Variants in QSER1 observed in about 807,000 individuals in gnomAD.
QSER1 encodes the protein glutamine and serine-rich protein 1.
A neutral mutation model predicts 158.5 loss-of-function variants in QSER1; 49 were observed. The observed-to-expected ratio is 0.31, with a 90% CI of 0.25 to 0.39. The LOEUF (loss-of-function observed/expected upper bound fraction) is 0.39, where lower values mean the gene tolerates loss of function less well. Among genes scored for constraint, QSER1 ranks in the 10% least tolerant of loss-of-function variants. The pLI is 1.00. For synonymous variants in QSER1, 650 were observed against 715.5 expected (o/e 0.91, Z 1.46); for missense variants, 1,754 against 2,010.3 (o/e 0.87, Z 2.44).
At chr11:32,920,770 T>A (rs1851890013) in intron 1 of QSER1, among the ~76,000 whole-genome samples, 1 of 152,172 alleles carries the variant, frequency 6.6e-6, no homozygotes, top group Non-Finnish European at 1.5e-5. Context: ...CTGTACATTA[T>A]TAGTCATAAT....
At position 32,973,646 on chromosome 11, in the gene QSER1, G is replaced by A. The variant is rs531947062; in HGVS notation, c.5358+97G>A. 69 of 1,188,092 alleles carry A rather than the reference G, an allele frequency of 5.8e-5. No homozygotes were observed. In the African/African-American group the frequency reaches 9.7e-4, roughly 17 times the overall value. The allele number at this position is 1,188,092 out of a possible 1,614,324, so 73.6% of individuals were successfully genotyped here. On this transcript the variant is annotated intron_variant, in intron 11 of 12. Transcript: ENST00000650167. ...AAACAAGCAAATATTTTACTATGTT[G>A]TCATTAAGTGTGAAGGTTTTTCAGG...
chr11:32,972,854 A>G (rs761987761), intron 10 of QSER1, among the ~76,000 whole-genome samples: 24 of 152,226 alleles, frequency 1.6e-4, no homozygotes, highest in Non-Finnish European at 2.8e-4. Flanking sequence ...AGTCAAAATA[A>G]GCAAGAGAAG....
At chr11:32,923,600 C>T (rs2133530193) in intron 1 of QSER1, among the ~76,000 whole-genome samples, 1 of 151,104 alleles carries the variant, frequency 6.6e-6, no homozygotes, top group South Asian at 2.1e-4. Flanking sequence ...ATTGCTTGAA[C>T]CTAGGAGGTG....
Position 32,917,845 on chromosome 11 carries a change from C to A in QSER1, c.210-9312C>A, listed in dbSNP as rs966091261. On this transcript the variant is annotated intron_variant, in intron 1 of 12. Transcript: ENST00000650167. ...TCAAAAAAAAAAAAAAAAAAAAAAA[C>A]CAGCATTTCTCTGTATTGCTTTCTG... Among the ~76,000 whole-genome samples, 12 of 91,630 alleles carry A rather than the reference C, an allele frequency of 1.3e-4. No individual in the cohort carries two copies. The South Asian group carries it at 2.0e-3, about 15-fold the overall frequency. 60.1% of individuals were successfully genotyped at this position (91,630 alleles called of 152,430 possible).
chr11:32,923,794 C>G (rs1272076600), intron 1 of QSER1, among the ~76,000 whole-genome samples: 1 of 151,840 alleles, frequency 6.6e-6, no homozygotes, highest in Non-Finnish European at 1.5e-5. Flanking sequence ...ATGGTGAAAC[C>G]CCATCTCTAC....
At chr11:32,964,717 CATATATATAT>C (rs375985842) in intron 8 of QSER1, among the ~76,000 whole-genome samples, 3,031 of 64,264 alleles carry the variant, frequency 0.047, 118 homozygotes, top group Middle Eastern at 0.071. Context: ...AAAAAAACAC[CATATATATAT>C]ATATATATAT....
intron 10 of QSER1, among the ~76,000 whole-genome samples, chr11:32,969,905 G>A (rs867027731): frequency 4.9e-4 from 74 of 152,128 alleles, no homozygotes; most frequent in African/African-American, 1.7e-3. Context: ...GTCTGGTCTC[G>A]AACTCCTGAC....
In QSER1 at chr11:32,935,383, C is replaced by T. The variant is rs1334162669; in HGVS notation, c.4125C>T (p.Val1375=). 6.3e-7 allele frequency: 1 copy of T among 1,586,126 alleles called. No homozygotes were observed. The highest frequency in any genetic ancestry group is 1.4e-5 in the African/African-American group (1 of 73,514). Reference sequence around the variant, plus strand: ...ATAGTCAAGATGCTTATAAAAGCGTCTCTACTCCCTTAACTACTTTGGATG... The same window carrying T: ...ATAGTCAAGATGCTTATAAAAGCGTTTCTACTCCCTTAACTACTTTGGATG... ...PGYSQDAYKS[V]STPLTTLDAT... Residue 1375 remains valine, a synonymous_variant, in exon 4 of 13, where the codon GTC becomes GTT. Coordinates refer to ENST00000650167, the MANE Select transcript of QSER1 (RefSeq NM_001076786.3).
At chr11:32,945,651 T>A (rs1289469604) in intron 4 of QSER1, among the ~76,000 whole-genome samples, 1 of 150,814 alleles carries the variant, frequency 6.6e-6, no homozygotes. Context: ...CCGACCTTTC[T>A]CTCTGGCTGC....
Position 32,955,342 on chromosome 11 carries a change from A to T in QSER1, c.4547A>T (p.Gln1516Leu). The change falls in exon 6 of 13, where the codon CAA becomes CTA. Residue 1516 changes from glutamine to leucine, a missense_variant. Physicochemically the swap from Gln to Leu is moderately radical, Grantham distance 113. Transcript: ENST00000650167. ...GAACCTCCAGCTATTTGGAAAGTAC[A>T]AAAAGCTTTATTACAGAAATTTGTT... Reference protein sequence around the residue: ...GKEPPAIWKVQKALLQKFVPE... With the variant: ...GKEPPAIWKVLKALLQKFVPE... The T allele has an allele frequency of 6.2e-7, 1 of 1,601,458 alleles. No individual in the cohort carries two copies. The highest frequency in any genetic ancestry group is 8.5e-7 in the Non-Finnish European group (1 of 1,176,064).
chr11:32,893,739 G>C lies in QSER1; in HGVS notation c.209+405G>C, dbSNP rs1367073876. Among the ~76,000 whole-genome samples the C allele has an allele frequency of 1.3e-5, 2 of 152,294 alleles. No homozygotes were observed. Among genetic ancestry groups the C allele is most frequent in the Non-Finnish European group, 1.5e-5 (1 of 68,028 alleles). On this transcript the variant is annotated intron_variant, in intron 1 of 12. Transcript: ENST00000650167. This position sits in a 1 kb window ranked among gnomAD's most constrained non-coding sequence, Gnocchi z 4.7. ...CCATTGTATTGGAACCTGGGTGGCCGACAATGCGGTCTTGGGGACTCCGGC... is the reference window on the plus strand; with the variant it reads ...CCATTGTATTGGAACCTGGGTGGCCCACAATGCGGTCTTGGGGACTCCGGC...
chr11:32,926,920 C>T (rs1284773533), intron 1 of QSER1: 1 of 152,090 alleles, frequency 6.6e-6, no homozygotes, highest in East Asian at 1.9e-4. Flanking sequence ...TAAAAAGACT[C>T]TTGTTTGAGG....
At chr11:32,950,904 AGTTAT>A (rs1852410534) in intron 4 of QSER1, among the ~76,000 whole-genome samples, 4 of 152,328 alleles carry the variant, frequency 2.6e-5, no homozygotes, top group Middle Eastern at 3.4e-3. Flanking sequence ...TTGTATATTC[AGTTAT>A]CCATTGATAG....
In QSER1 at chr11:32,934,885, G is replaced by C; in HGVS notation, c.3627G>C (p.Gly1209=). The change falls in exon 4 of 13, where the codon GGG becomes GGC. Residue 1209 remains glycine, a synonymous_variant. Transcript: ENST00000650167. ...NLQKKRAKGK[G]QVKEEDNSNQ... is the part of the protein sequence containing the mutation. ...AAAAGAAAAGAGCTAAAGGAAAAGGGCAAGTTAAAGAGGAAGACAACAGTA... is the reference window on the plus strand; with the variant it reads ...AAAAGAAAAGAGCTAAAGGAAAAGGCCAAGTTAAAGAGGAAGACAACAGTA... 1 of 1,613,920 alleles carries C rather than the reference G, an allele frequency of 6.2e-7. No homozygotes were observed. The highest frequency in any genetic ancestry group is 8.5e-7 in the Non-Finnish European group (1 of 1,179,974).
At chr11:32,952,944 A>G (rs999693574) in intron 4 of QSER1, among the ~76,000 whole-genome samples, 2 of 151,800 alleles carry the variant, frequency 1.3e-5, no homozygotes, top group Non-Finnish European at 1.5e-5. Flanking sequence ...CGGGGATTAA[A>G]GGCGCGCACC....
intron 8 of QSER1, among the ~76,000 whole-genome samples, chr11:32,963,807 C>G (rs1171432491): frequency 6.6e-6 from 1 of 152,206 alleles, no homozygotes; most frequent in East Asian, 1.9e-4. Context: ...GGACTGACTA[C>G]AGGTATGCAC....
intron 9 of QSER1, 62 bp downstream of exon 9, chr11:32,966,499 GTC>G: frequency 6.6e-7 from 1 of 1,507,730 alleles, no homozygotes; most frequent in East Asian, 2.3e-5. Context: ...AAGAAATCTT[GTC>G]TGTTAGTTAT....
chr11:32,892,982 C>T lies in QSER1; in HGVS notation c.-144C>T, dbSNP rs890108662. Among the ~76,000 whole-genome samples, 9 of 147,804 alleles carry T rather than the reference C, an allele frequency of 6.1e-5. No homozygotes were observed. The highest frequency in any genetic ancestry group is 1.7e-4 in the African/African-American group (7 of 40,770). ...CGCCAGCGCGCCCTTCTCCCGCCTGCTCGCCGGGGCCATGTGAGGGGGCAG... is the reference window on the plus strand; with the variant it reads ...CGCCAGCGCGCCCTTCTCCCGCCTGTTCGCCGGGGCCATGTGAGGGGGCAG... On this transcript the variant is annotated 5_prime_UTR_variant, in exon 1 of 13. Transcript: ENST00000650167.
intron 1 of QSER1, among the ~76,000 whole-genome samples, chr11:32,926,437 A>G (rs1851971930): frequency 6.7e-6 from 1 of 150,018 alleles, no homozygotes; most frequent in Non-Finnish European, 1.5e-5. Context: ...GTTGTTTAGC[A>G]AAAAAAAGAA....
Sources: allele counts gnomAD v4.1 joint callset (sites outside exome capture counted in the v4.1 genomes callset), GRCh38; gene constraint gnomAD v4.1.1; non-coding constraint Gnocchi (gnomAD v3.1); transcripts MANE v1.5; gene names NCBI Gene and HGNC (gene_info 2026-07-23, HGNC 2026-07-21).